SLC44A4: variants seen among roughly 807,000 people sequenced by gnomAD.
SLC44A4 encodes choline transporter-like protein 4.
In SLC44A4, 74 loss-of-function variants were observed where a neutral mutation model predicts 97.0. That is an observed-to-expected ratio of 0.76 (90% CI 0.63 to 0.93). The LOEUF is 0.93. SLC44A4 is among the 40% of genes least tolerant of loss of function. The probability of loss-of-function intolerance (pLI) is 0.00; values close to 1 mark genes in which losing one functional copy is unlikely to be tolerated. For synonymous variants in SLC44A4, 325 were observed against 363.8 expected, an observed-to-expected ratio of 0.89 and a Z score of 1.21; for missense variants, 799 against 902.9, an observed-to-expected ratio of 0.88 and a Z score of 1.48.
chr6:31,874,910 G>A lies in SLC44A4; in HGVS notation c.342+19C>T. Reference sequence around the variant, plus strand: ...ACCCTGGGTGAGATCTGGGGTAGAGGCAGGTCCCAGGCTCTGACCTGGGGT... The same window carrying A: ...ACCCTGGGTGAGATCTGGGGTAGAGACAGGTCCCAGGCTCTGACCTGGGGT... On this transcript the variant is annotated intron_variant, in intron 5 of 20. Coordinates refer to ENST00000229729, the MANE Select transcript of SLC44A4 (RefSeq NM_025257.3). The surrounding 1 kb of genome is among the most constrained non-coding windows in gnomAD (Gnocchi z 4.8). The A allele has an allele frequency of 6.2e-7, 1 of 1,613,788 alleles. No homozygotes were observed. The highest frequency in any genetic ancestry group is 2.2e-5 in the East Asian group (1 of 44,878).
At position 31,865,988 on chromosome 6, in the gene SLC44A4, G is replaced by T; in HGVS notation, c.1372C>A (p.Leu458Met). ...GCGAGGACGCATTGGCCCAGGGCCA[G>T]TACCCAGTTAAGGGTCCAGAAGAGC... Reference protein sequence around the residue: ...LGLFWTLNWVLALGQCVLAGA... With the variant: ...LGLFWTLNWVMALGQCVLAGA... Residue 458 changes from leucine (L) to methionine (M), a missense_variant, in exon 14 of 21, where the codon CTG (leucine) becomes ATG (methionine). Physicochemically the swap from Leu to Met is conservative, Grantham distance 15. Transcript: ENST00000229729. The surrounding 1 kb of genome is among the most constrained non-coding windows in gnomAD (Gnocchi z 5.2). 6.2e-7 allele frequency: 1 copy of T among 1,614,236 alleles called. No individual in the cohort carries two copies.
rs766732954 is a variant in SLC44A4 at position 31,874,731 on chromosome 6, G to T, written c.458C>A (p.Pro153His). The part of the protein sequence containing the change: ...KNRNFCLPGV[P>H]WNMTVITSLQ... Reference sequence around the variant, plus strand: ...AGGGGCAATATTCACCATATTCCAGGGTACCCCTGGCAGACAAAAGTTCCT... The same window carrying T: ...AGGGGCAATATTCACCATATTCCAGTGTACCCCTGGCAGACAAAAGTTCCT... Residue 153 changes from proline to histidine, a missense_variant, in exon 6 of 21, where the codon CCC becomes CAC. This residue lies in a region of SLC44A4 where 409 missense variants were observed against 434.1 expected (regional missense o/e 0.94). Transcript: ENST00000229729. The surrounding 1 kb of genome is among the most constrained non-coding windows in gnomAD (Gnocchi z 4.8). 4 of 1,611,290 alleles carry T rather than the reference G, an allele frequency of 2.5e-6. No homozygotes were observed. The highest frequency in any genetic ancestry group is 3.4e-6 in the Non-Finnish European group (4 of 1,178,712).
chr6:31,865,608 G>T lies in SLC44A4; in HGVS notation c.1583-7C>A, dbSNP rs747996334. ...GCTACAGGGTTCTGCACTCCTGGGA[G>T]CGAGGAAGGCTCATGTTTGGTCACT... On this transcript the variant is annotated splice_region_variant and splice_polypyrimidine_tract_variant and intron_variant, in intron 15 of 20. Transcript: ENST00000229729. The surrounding 1 kb of genome is among the most constrained non-coding windows in gnomAD (Gnocchi z 5.2). 1.9e-6 allele frequency: 3 copies of T among 1,606,466 alleles called. No homozygotes were observed. The highest frequency in any genetic ancestry group is 1.1e-5 in the South Asian group (1 of 90,916).
In SLC44A4 at chr6:31,877,049, C is replaced by T. The variant is rs1271267432; in HGVS notation, c.74G>A (p.Gly25Asp). ...KPVKYDPSFR[G>D]PIKNRSCTDV... Reference sequence around the variant, plus strand: ...CAGAGCTCACCTGTTCTTGATGGGGCCTCGAAAGGAGGGGTCGTATTTGAC... The same window carrying T: ...CAGAGCTCACCTGTTCTTGATGGGGTCTCGAAAGGAGGGGTCGTATTTGAC... Residue 25 changes from glycine to aspartate, a missense_variant, in exon 2 of 21, where the codon GGC (glycine) becomes GAC (aspartate). Around this residue, in one of 3 missense-constraint regions of SLC44A4, gnomAD observed 409 missense variants for 434.1 expected, o/e 0.94. Transcript: ENST00000229729. The surrounding 1 kb of genome is among the most constrained non-coding windows in gnomAD (Gnocchi z 6.5). The T allele has an allele frequency of 1.2e-6, 2 of 1,609,794 alleles. No homozygotes were observed. Among genetic ancestry groups the T allele is most frequent in the Non-Finnish European group, 8.5e-7 (1 of 1,178,948 alleles).
chr6:31,871,557 C>T lies in SLC44A4; in HGVS notation c.534G>A (p.Leu178=). The T allele has an allele frequency of 6.2e-7, 1 of 1,613,370 alleles. No homozygotes were observed. Among genetic ancestry groups the T allele is most frequent in the Non-Finnish European group, 8.5e-7 (1 of 1,179,480 alleles). ...PSFLLPSAPA[L]GRCFPWTNVT... is the part of the protein sequence containing the mutation. ...CGTTGGTCCATGGAAAGCAGCGCCC[C>T]AGAGCTGGAAGGGAGAGCCGGGCTG... The change falls in exon 8 of 21, where the codon CTG becomes CTA. Residue 178 remains leucine, a synonymous_variant. Coordinates refer to ENST00000229729, the MANE Select transcript of SLC44A4 (RefSeq NM_025257.3).
rs1021604144 is a variant in SLC44A4 at position 31,865,308 on chromosome 6, G to A, written c.1760+7C>T. 1.2e-6 allele frequency: 2 copies of A among 1,613,842 alleles called. No homozygotes were observed. The highest frequency in any genetic ancestry group is 1.7e-5 in the Admixed American group (1 of 59,992). On this transcript the variant is annotated splice_region_variant and intron_variant, in intron 17 of 20. Transcript: ENST00000229729. The surrounding 1 kb of genome is among the most constrained non-coding windows in gnomAD (Gnocchi z 5.2). The stretch of plus-strand genomic sequence containing the variant: ...GGAGCCACAAAGCGGGGGGGGAGCA[G>A]CCTAACCTGACAATGTTTCGCATGA...
chr6:31,875,095 A>G (rs1481321032), intron 4 of SLC44A4, 67 bp from the exon 5 acceptor site: 1 of 1,301,462 alleles, frequency 7.7e-7, no homozygotes, highest in African/African-American at 1.4e-5. Context: ...AGGGACCACT[A>G]GGGTGGCTTC....
Position 31,865,874 on chromosome 6 carries a change from G to C in SLC44A4, c.1486C>G (p.Arg496Gly). ...PLISAFIRTL[R>G]YHTGSLAFGA... ...ACCAGGCCCCTGCCCCATCCTTACC[G>C]GAGTGTGCGGATGAAGGCAGAGATT... Residue 496 changes from arginine (R) to glycine (G), a missense_variant and splice_region_variant, in exon 14 of 21, where the codon CGT becomes GGT. By Grantham distance (125) the Arg-to-Gly change is moderately radical (BLOSUM62 -2). Transcript: ENST00000229729. The surrounding 1 kb of genome is among the most constrained non-coding windows in gnomAD (Gnocchi z 5.2). 1 of 1,614,126 alleles carries C rather than the reference G, an allele frequency of 6.2e-7. No individual in the cohort carries two copies.
At chr6:31,871,137 C>T in intron 9 of SLC44A4, 90 bp from the exon 10 acceptor site, 1 of 1,318,522 alleles carries the variant, frequency 7.6e-7, no homozygotes, top group Non-Finnish European at 1.1e-6. Context: ...CACACACCAC[C>T]CAATGTCCCC....
In SLC44A4 at chr6:31,863,501, AGGCG is replaced by A; in HGVS notation, c.*122_*125del. On this transcript the variant is annotated 3_prime_UTR_variant, in exon 21 of 21. Coordinates refer to ENST00000229729, the MANE Select transcript of SLC44A4 (RefSeq NM_025257.3). ...TCAGCCTCTCAAAGTGTTGGATTACAGGCGTGAGCCACGGCGCCTGGCCTAAAAC... is the reference window on the plus strand; with the variant it reads ...TCAGCCTCTCAAAGTGTTGGATTACATGAGCCACGGCGCCTGGCCTAAAAC... 1 of 1,344,414 alleles carries A rather than the reference AGGCG, an allele frequency of 7.4e-7. No individual in the cohort carries two copies. Among genetic ancestry groups the A allele is most frequent in the African/African-American group, 1.5e-5 (1 of 66,688 alleles). 83.3% of individuals were successfully genotyped at this position (1,344,414 alleles called of 1,614,324 possible).
At chr6:31,869,115 C>T (rs775561702) in intron 13 of SLC44A4, 40 bp downstream of exon 13, 2 of 1,529,118 alleles carry the variant, frequency 1.3e-6, no homozygotes, top group South Asian at 1.2e-5. Flanking sequence ...AGCCCCTCAC[C>T]CCTACTAGTC....
At position 31,865,359 on chromosome 6, in the gene SLC44A4, GAC is replaced by G. The variant is rs1762793702; in HGVS notation, c.1714_1715del (p.Val572LeufsTer55). The G allele has an allele frequency of 1.2e-6, 2 of 1,613,906 alleles. No individual in the cohort carries two copies. The highest frequency in any genetic ancestry group is 3.3e-5 in the Admixed American group (2 of 59,990). On this transcript the variant is annotated frameshift_variant, in exon 17 of 21. Coordinates refer to ENST00000229729, the MANE Select transcript of SLC44A4 (RefSeq NM_025257.3). LOFTEE classifies it high-confidence loss of function. This position sits in a 1 kb window ranked among gnomAD's most constrained non-coding sequence, Gnocchi z 5.2. ...MIAIYGKNFC[V>X]SAKNAFMLLM... ...GTAGCATGAACGCATTTTTGGCTGA[GAC>G]ACAGAAATTCTTCCCGTAGATGGCG...
chr6:31,876,315 C>G lies in SLC44A4; in HGVS notation c.90-186G>C, dbSNP rs1239288151. On this transcript the variant is annotated intron_variant, in intron 2 of 20. Coordinates refer to ENST00000229729, the MANE Select transcript of SLC44A4 (RefSeq NM_025257.3). The surrounding 1 kb of genome is among the most constrained non-coding windows in gnomAD (Gnocchi z 4.8). ...ACAGGGTCTCACTCTGTCACACAGA[C>G]TGGAGTGCAGTGGTGCAATCTTGGC... Among the ~76,000 whole-genome samples the G allele has an allele frequency of 6.6e-6, 1 of 152,174 alleles. No homozygotes were observed. Among genetic ancestry groups the G allele is most frequent in the Admixed American group, 6.5e-5 (1 of 15,278 alleles).
At position 31,877,649 on chromosome 6, in the gene SLC44A4, C is replaced by A. The variant is rs1763515788; in HGVS notation, c.41-567G>T. On this transcript the variant is annotated intron_variant, in intron 1 of 20. Coordinates refer to ENST00000229729, the MANE Select transcript of SLC44A4 (RefSeq NM_025257.3). The surrounding 1 kb of genome is among the most constrained non-coding windows in gnomAD (Gnocchi z 6.5). ...TGGGGAGGGAAGCGGCCCTGTACAT[C>A]CTCACTCTGGTGGGACCTCAGTCCC... 2 of 986,366 alleles carry A rather than the reference C, an allele frequency of 2.0e-6. No individual in the cohort carries two copies. Among genetic ancestry groups the A allele is most frequent in the Non-Finnish European group, 2.4e-6 (2 of 830,594 alleles). The allele number at this position is 986,366 out of a possible 1,614,324, so 61.1% of individuals were successfully genotyped here. A position where few individuals can be genotyped will look rare whatever the true frequency, so the allele number is the denominator to read the frequency against.
rs1763330042 is a variant in SLC44A4 at position 31,874,400 on chromosome 6, A to G, written c.529+60T>C. 21 of 1,581,466 alleles carry G rather than the reference A, an allele frequency of 1.3e-5. No individual in the cohort carries two copies. Among genetic ancestry groups the G allele is most frequent in the East Asian group, 2.2e-5 (1 of 44,716 alleles). On this transcript the variant is annotated intron_variant, in intron 7 of 20. Transcript: ENST00000229729. This position sits in a 1 kb window ranked among gnomAD's most constrained non-coding sequence, Gnocchi z 4.8. ...CACTCTCTCTGGGCCTGATTTCTTCATTCAAGCAATGAAAACACTGGACTA... is the reference window on the plus strand; with the variant it reads ...CACTCTCTCTGGGCCTGATTTCTTCGTTCAAGCAATGAAAACACTGGACTA...
At chr6:31,870,762 C>T in intron 10 of SLC44A4, 50 bp downstream of exon 10, 8 of 1,612,188 alleles carry the variant, frequency 5.0e-6, no homozygotes, top group Non-Finnish European at 6.8e-6. Context: ...GGGCATGGCC[C>T]AGGGCGGTCC....
Position 31,878,892 on chromosome 6 carries a change from C to T in SLC44A4, c.40+49G>A, listed in dbSNP as rs565201107. 33 of 1,599,070 alleles carry T rather than the reference C, an allele frequency of 2.1e-5. No individual in the cohort carries two copies. In the South Asian group the frequency reaches 3.2e-4, roughly 15 times the overall value. The stretch of plus-strand genomic sequence containing the variant: ...AGCCCCAGACACCATTCCCAAAGTA[C>T]CCGTCCTCCCCTCCCTCCACAGGGT... On this transcript the variant is annotated intron_variant, in intron 1 of 20. Coordinates refer to ENST00000229729, the MANE Select transcript of SLC44A4 (RefSeq NM_025257.3). The surrounding 1 kb of genome is among the most constrained non-coding windows in gnomAD (Gnocchi z 4.0).
chr6:31,863,624 C>G lies in SLC44A4; in HGVS notation c.*3G>C, dbSNP rs1562438360. On this transcript the variant is annotated 3_prime_UTR_variant, in exon 21 of 21. Transcript: ENST00000229729. The stretch of plus-strand genomic sequence containing the variant: ...GTGCAGTCCTGGATCAGGGCCGGAG[C>G]TGTCACTTCTTCCTCTTCTTGTTGT... The G allele has an allele frequency of 5.6e-6, 9 of 1,610,424 alleles. No homozygotes were observed. Among genetic ancestry groups the G allele is most frequent in the Non-Finnish European group, 7.6e-6 (9 of 1,179,032 alleles).
Position 31,875,898 on chromosome 6 carries a change from A to G in SLC44A4, c.196T>C (p.Tyr66His), listed in dbSNP as rs1037241457. The G allele has an allele frequency of 1.9e-6, 3 of 1,613,632 alleles. No homozygotes were observed. The highest frequency in any genetic ancestry group is 3.3e-5 in the Admixed American group (2 of 59,946). Reference protein sequence around the residue: ...WLYGDPRQVLYPRNSTGAYCG... With the variant: ...WLYGDPRQVLHPRNSTGAYCG... ...TAGGCCCCAGTAGAGTTCCTGGGGT[A>G]GAGGACTTGCCGGGGGTCTCCATAC... Residue 66 changes from tyrosine (Y) to histidine (H), a missense_variant, in exon 4 of 21, where the codon TAC becomes CAC. Tyr to His is a moderately conservative substitution (Grantham distance 83). Transcript: ENST00000229729.
Sources: gnomAD v4.1 joint callset for allele counts (sites outside exome capture counted in the v4.1 genomes callset) on GRCh38, gnomAD v4.1.1 for gene constraint, gnomAD v4.1.1 regional missense constraint, Gnocchi (gnomAD v3.1) non-coding constraint, MANE v1.5 for transcripts, NCBI Gene and HGNC (gene_info 2026-07-23, HGNC 2026-07-21) for gene names.